CDH13: variants seen among roughly 807,000 people sequenced by gnomAD.
CDH13 encodes the protein cadherin 13.
Under a neutral mutation model 63.8 loss-of-function variants are expected in CDH13, and 24 were observed. The ratio of observed to expected loss-of-function variants is 0.38; its 90% CI spans 0.27 to 0.53. The LOEUF (loss-of-function observed/expected upper bound fraction) is 0.53. CDH13 is among the 20% of genes least tolerant of loss of function. The pLI, the probability that CDH13 is intolerant of heterozygous loss-of-function variation, is 0.85. For missense variants in CDH13, 1,049 were observed against 903.1 expected, an observed-to-expected ratio of 1.16 and a Z score of -2.07; for synonymous variants, 503 against 355.3, an observed-to-expected ratio of 1.42 and a Z score of -4.67.
chr16:83,388,362 A>G (rs2091719354), intron 6 of CDH13, among the ~76,000 whole-genome samples: 1 of 151,266 alleles, frequency 6.6e-6, no homozygotes. Flanking sequence ...CTGAGGTGGG[A>G]GGATCGCTTG....
intron 6 of CDH13, among the ~76,000 whole-genome samples, chr16:83,473,565 C>G (rs2073520982): frequency 1.3e-5 from 2 of 152,178 alleles, no homozygotes; most frequent in Non-Finnish European, 2.9e-5. Flanking sequence ...CTGTCCTGCA[C>G]TACAACTCAA....
At chr16:82,761,329 A>G (rs1274841013) in intron 1 of CDH13, among the ~76,000 whole-genome samples, 1 of 151,992 alleles carries the variant, frequency 6.6e-6, no homozygotes, top group Non-Finnish European at 1.5e-5. Context: ...ATTTCAACAC[A>G]TGAGATTTGG....
chr16:83,578,902 T>A (rs1905284827), intron 7 of CDH13, among the ~76,000 whole-genome samples: 1 of 152,244 alleles, frequency 6.6e-6, no homozygotes, highest in Non-Finnish European at 1.5e-5. Context: ...TGAGGCTTAG[T>A]GAGGTTAACG....
intron 2 of CDH13, among the ~76,000 whole-genome samples, chr16:82,891,855 A>G (rs1265011019): frequency 6.6e-6 from 1 of 152,188 alleles, no homozygotes; most frequent in Non-Finnish European, 1.5e-5. Context: ...ATATATGTGA[A>G]TGCTCCTTAA....
intron 2 of CDH13, among the ~76,000 whole-genome samples, chr16:82,897,045 G>A (rs2041295333): frequency 1.3e-5 from 2 of 151,936 alleles, no homozygotes; most frequent in Non-Finnish European, 2.9e-5. Context: ...CTCCCAAAGT[G>A]CTGGGATTAC....
intron 1 of CDH13, among the ~76,000 whole-genome samples, chr16:82,740,952 C>T (rs1355789062): frequency 6.6e-6 from 1 of 151,036 alleles, no homozygotes; most frequent in East Asian, 1.9e-4. Flanking sequence ...AAAGGGGTTA[C>T]CTCCTTCTCA....
chr16:83,743,597 T>G (rs748384677), intron 10 of CDH13, among the ~76,000 whole-genome samples: 3 of 152,132 alleles, frequency 2.0e-5, no homozygotes, highest in Non-Finnish European at 2.9e-5. Flanking sequence ...TTAATTCAGT[T>G]TTTATTTATC....
In CDH13 at chr16:83,670,925, A is replaced by G. The variant is rs1308014878; in HGVS notation, c.1237A>G (p.Ile413Val). The G allele has an allele frequency of 3.1e-6, 5 of 1,611,446 alleles. No individual in the cohort carries two copies. The Admixed American group carries it at 6.7e-5, about 22-fold the overall frequency. Residue 413 changes from isoleucine (I) to valine (V), a missense_variant, in exon 9 of 14, where the codon ATC (isoleucine) becomes GTC (valine). Ile to Val is a conservative substitution (Grantham distance 29). Transcript: ENST00000567109. ...INGNPGQSFE[I>V]HTNPQTNEGM... is the part of the protein sequence containing the mutation. ...CGGAAACCCCGGGCAGAGCTTTGAAATCCACACCAACCCTCAAACCAACGA... is the reference window on the plus strand; with the variant it reads ...CGGAAACCCCGGGCAGAGCTTTGAAGTCCACACCAACCCTCAAACCAACGA...
chr16:83,455,645 C>T (rs149743651), intron 6 of CDH13, among the ~76,000 whole-genome samples: 149 of 152,288 alleles, frequency 9.8e-4, no homozygotes, highest in African/African-American at 3.2e-3. Context: ...ATCCCTAGAT[C>T]TCTAAGAACC....
chr16:83,468,962 T>C (rs1250002669), intron 6 of CDH13, among the ~76,000 whole-genome samples: 1 of 152,188 alleles, frequency 6.6e-6, no homozygotes, highest in Non-Finnish European at 1.5e-5. Flanking sequence ...GGGTTTCTGA[T>C]TGCCCACCAT....
intron 6 of CDH13, chr16:83,397,924 A>G (rs972746914): frequency 6.6e-6 from 1 of 152,224 alleles, no homozygotes; most frequent in Admixed American, 6.5e-5. Flanking sequence ...CAATTTACTT[A>G]CCTGCTGGGA....
At chr16:83,147,705 C>T (rs563187498) in intron 4 of CDH13, among the ~76,000 whole-genome samples, 3 of 152,180 alleles carry the variant, frequency 2.0e-5, no homozygotes, top group Admixed American at 6.5e-5. Context: ...ACCCCACTTG[C>T]GTTCCACCCC....
At chr16:83,648,576 C>A (rs556296463) in intron 8 of CDH13, among the ~76,000 whole-genome samples, 1 of 152,120 alleles carries the variant, frequency 6.6e-6, no homozygotes, top group African/African-American at 2.4e-5. Context: ...GAGGCTTCAA[C>A]CACTGGGTTT....
chr16:83,479,992 A>G (rs572592097), intron 6 of CDH13, among the ~76,000 whole-genome samples: 7 of 152,232 alleles, frequency 4.6e-5, no homozygotes, highest in Non-Finnish European at 5.9e-5. Flanking sequence ...GATTCACTCA[A>G]TGCCTCCAAC....
intron 2 of CDH13, among the ~76,000 whole-genome samples, chr16:82,982,696 A>G (rs1466013063): frequency 6.6e-6 from 1 of 152,200 alleles, no homozygotes; most frequent in Non-Finnish European, 1.5e-5. Context: ...TAGTAGTTGC[A>G]GGTCGTCTCC....
rs188893622 is a variant in CDH13 at position 82,975,928 on chromosome 16, C to T, written c.158-56082C>T. ...TTTACTGACATCTCTCCTCCAAGCG[C>T]TCTCCCCCAGCACTTTCCAGGACTA... On this transcript the variant is annotated intron_variant, in intron 2 of 13. Coordinates refer to ENST00000567109, the MANE Select transcript of CDH13 (RefSeq NM_001257.5). Among the ~76,000 whole-genome samples the T allele has an allele frequency of 3.9e-4, 59 of 152,210 alleles. 1 individual carries two copies. Among genetic ancestry groups the T allele is most frequent in the Non-Finnish European group, 7.2e-4 (49 of 68,036 alleles).
chr16:83,472,302 G>A (rs181844323), intron 6 of CDH13, among the ~76,000 whole-genome samples: 11 of 152,340 alleles, frequency 7.2e-5, no homozygotes, highest in African/African-American at 2.6e-4. Context: ...TGGATGGGAG[G>A]CCAGTGGGGA....
chr16:83,044,412 C>A (rs1917594587), intron 3 of CDH13, among the ~76,000 whole-genome samples: 2 of 152,152 alleles, frequency 1.3e-5, no homozygotes, highest in Non-Finnish European at 2.9e-5. Flanking sequence ...AGCAAAACTC[C>A]TAAAGAAATT....
chr16:83,093,432 C>T (rs980565291), intron 3 of CDH13, among the ~76,000 whole-genome samples: 1 of 149,532 alleles, frequency 6.7e-6, no homozygotes, highest in African/African-American at 2.5e-5. Flanking sequence ...GATTCTCCTG[C>T]CTCAGCCTAC....
Sources: gnomAD v4.1 joint callset for allele counts (sites outside exome capture counted in the v4.1 genomes callset) on GRCh38, gnomAD v4.1.1 for gene constraint, MANE v1.5 for transcripts, NCBI Gene and HGNC (gene_info 2026-07-23, HGNC 2026-07-21) for gene names.